Variants in ATP13A3 observed in about 807,000 individuals in gnomAD.
The protein encoded by ATP13A3 is polyamine-transporting ATPase 13A3.
A neutral mutation model predicts 158.1 loss-of-function variants in ATP13A3; 59 were observed. That is an observed-to-expected ratio of 0.37 (90% CI 0.30 to 0.46). The LOEUF (loss-of-function observed/expected upper bound fraction) is 0.46. Ranked by LOEUF, ATP13A3 falls within the 20% of genes least tolerant of loss-of-function variation. ATP13A3 has a pLI of 1.00. For synonymous variants in ATP13A3, 491 were observed against 504.3 expected, an observed-to-expected ratio of 0.97 and a Z score of 0.35; for missense variants, 1,166 against 1,525.2, an observed-to-expected ratio of 0.76 and a Z score of 3.92.
intron 2 of ATP13A3, among the ~76,000 whole-genome samples, chr3:194,470,146 T>G (rs1381525487): frequency 6.6e-6 from 1 of 152,168 alleles, no homozygotes; most frequent in Non-Finnish European, 1.5e-5. Context: ...AATACCCACT[T>G]TATCACTTCC....
chr3:194,494,227 G>A lies in ATP13A3; in HGVS notation n.569C>T. 2.5e-6 allele frequency: 1 copy of A among 398,650 alleles called. No individual in the cohort carries two copies. Among genetic ancestry groups the A allele is most frequent in the Non-Finnish European group, 4.4e-6 (1 of 226,108 alleles). The allele number at this position is 398,650 out of a possible 1,614,324, so 24.7% of individuals were successfully genotyped here. A position where few individuals can be genotyped will look rare whatever the true frequency, so the allele number is the denominator to read the frequency against. ...TCCTCATGAGCCAGGACCTTCCTCA[G>A]CCACATCTGGATCCTCAGCCCCTCA... On this transcript the variant is annotated non_coding_transcript_exon_variant, in exon 2 of 33. Coordinates refer to the ATP13A3 transcript ENST00000687055. This position sits in a 1 kb window ranked among gnomAD's most constrained non-coding sequence, Gnocchi z 4.2.
In ATP13A3 at chr3:194,448,494, G is replaced by A. The variant is rs185170011; in HGVS notation, c.1113C>T (p.Tyr371=). The change falls in exon 12 of 34, where the codon TAC becomes TAT. Residue 371 remains tyrosine (Y), a synonymous_variant. Transcript: ENST00000645319. This position sits in a 1 kb window ranked among gnomAD's most constrained non-coding sequence, Gnocchi z 4.0. The part of the protein sequence containing the change: ...CGTTVIQTRF[Y]TGELVKAIVV... ...CTATGGCTTTGACGAGTTCTCCAGT[G>A]TAGAAACGAGTCTGAATAACAGTTG... The A allele has an allele frequency of 8.9e-4, 1,438 of 1,614,116 alleles. 2 individuals carry two copies. The highest frequency in any genetic ancestry group is 1.7e-3 in the Admixed American group (101 of 60,028).
At chr3:194,488,037 C>T (rs1336591771), upstream of ATP13A3, 1 of 152,372 alleles carries the variant, frequency 6.6e-6, no homozygotes, top group African/African-American at 2.4e-5. This position sits in a 1 kb window ranked among gnomAD's most constrained non-coding sequence, Gnocchi z 4.1. Context: ...CTGATAACAC[C>T]TCCTGCGGGC....
At chr3:194,422,773 T>C (rs1716484166) in intron 30 of ATP13A3, among the ~76,000 whole-genome samples, 1 of 151,832 alleles carries the variant, frequency 6.6e-6, no homozygotes, top group South Asian at 2.1e-4. Context: ...CCCCAATATA[T>C]ATCTCTTTGT....
chr3:194,417,446 A>ACACACACACAC (rs1560072223), intron 31 of ATP13A3, among the ~76,000 whole-genome samples: 3 of 84,044 alleles, frequency 3.6e-5, no homozygotes, highest in East Asian at 8.7e-4. Flanking sequence ...CACACACACA[A>ACACACACACAC]AAGGAGGAAG....
chr3:194,454,823 CAA>C (rs397875989), intron 8 of ATP13A3, among the ~76,000 whole-genome samples: 10 of 62,130 alleles, frequency 1.6e-4, no homozygotes, highest in Non-Finnish European at 2.3e-4. Context: ...GACTCCGTCT[CAA>C]AAAAAAAAAA....
intron 15 of ATP13A3, among the ~76,000 whole-genome samples, chr3:194,442,164 G>A (rs906969256): frequency 6.6e-6 from 1 of 152,192 alleles, no homozygotes; most frequent in African/African-American, 2.4e-5. Flanking sequence ...TACCACTGGG[G>A]CTCTTAGCCA....
At chr3:194,481,409 G>C (rs907993078) in intron 2 of ATP13A3, among the ~76,000 whole-genome samples, 1 of 152,040 alleles carries the variant, frequency 6.6e-6, no homozygotes, top group Non-Finnish European at 1.5e-5. Context: ...AAAGTTTTGA[G>C]ATGTGCCATT....
chr3:194,481,275 C>G (rs182350319), intron 2 of ATP13A3, among the ~76,000 whole-genome samples: 150 of 148,974 alleles, frequency 1.0e-3, no homozygotes, highest in Admixed American at 1.7e-3. Flanking sequence ...CACCCTTAGA[C>G]ACATATGTGG....
At chr3:194,449,268 C>T (rs1377040897) in intron 11 of ATP13A3, among the ~76,000 whole-genome samples, 2 of 151,924 alleles carry the variant, frequency 1.3e-5, no homozygotes, top group African/African-American at 4.8e-5. Context: ...TTTTAAGATA[C>T]GAGATATGTG....
In ATP13A3 at chr3:194,476,712, G is replaced by T. The variant is rs548689494; in HGVS notation, c.-47+9082C>A. ...CATAAAACTTCAGTAGCTTCCCGTT[G>T]TCTGTAGTAGCAATTCCCAAACTGG... On this transcript the variant is annotated intron_variant, in intron 2 of 33. Coordinates refer to ENST00000645319, the MANE Select transcript of ATP13A3 (RefSeq NM_001367549.1). Among the ~76,000 whole-genome samples, 6 of 150,790 alleles carry T rather than the reference G, an allele frequency of 4.0e-5. No homozygotes were observed. The South Asian group carries it at 1.1e-3, about 26-fold the overall frequency.
chr3:194,454,864 CTTA>C (rs1390985960), intron 8 of ATP13A3, among the ~76,000 whole-genome samples: 2 of 151,722 alleles, frequency 1.3e-5, no homozygotes, highest in African/African-American at 4.8e-5. Flanking sequence ...CCATCATACT[CTTA>C]TTATCATTAA....
Position 194,448,382 on chromosome 3 carries a change from A to T in ATP13A3, c.1150+75T>A. 6.5e-7 allele frequency: 1 copy of T among 1,537,296 alleles called. No individual in the cohort carries two copies. The highest frequency in any genetic ancestry group is 1.2e-5 in the South Asian group (1 of 86,512). On this transcript the variant is annotated intron_variant, in intron 12 of 33. Coordinates refer to ENST00000645319, the MANE Select transcript of ATP13A3 (RefSeq NM_001367549.1). This position sits in a 1 kb window ranked among gnomAD's most constrained non-coding sequence, Gnocchi z 4.0. ...CGTTAGCCACAGCACCCAGCCCAGA[A>T]TCTCTTTTTAAACATTTAGTAGGTA...
chr3:194,434,041 T>C, intron 20 of ATP13A3, 145 bp from the exon 21 acceptor site: 1 of 882,466 alleles, frequency 1.1e-6, no homozygotes, highest in South Asian at 1.9e-5. Context: ...ACATTTTATA[T>C]GCTGAATAAA....
chr3:194,430,920 C>A (rs764658252), intron 24 of ATP13A3, 23 bp downstream of exon 24: 3 of 1,562,198 alleles, frequency 1.9e-6, no homozygotes, highest in Non-Finnish European at 2.6e-6. Flanking sequence ...AAAACCAAAA[C>A]CAAAAAAGAC....
intron 33 of ATP13A3, 116 bp from the exon 34 acceptor site, chr3:194,406,232 G>A: frequency 9.1e-7 from 1 of 1,097,002 alleles, no homozygotes. Context: ...AATGACTTCT[G>A]AGCACAACGA....
At chr3:194,475,777 A>C (rs373473718) in intron 2 of ATP13A3, among the ~76,000 whole-genome samples, 12 of 152,186 alleles carry the variant, frequency 7.9e-5, no homozygotes, top group East Asian at 1.9e-4. Flanking sequence ...GCACTATAAC[A>C]ACCACAATAG....
intron 8 of ATP13A3, 99 bp from the exon 9 acceptor site, chr3:194,454,491 C>T: frequency 7.8e-7 from 1 of 1,274,334 alleles, no homozygotes; most frequent in Non-Finnish European, 1.1e-6. Flanking sequence ...CAAATATGTA[C>T]AAGATAAGCT....
chr3:194,465,913 C>T (rs537465474), intron 2 of ATP13A3, among the ~76,000 whole-genome samples: 7 of 151,674 alleles, frequency 4.6e-5, no homozygotes, highest in Non-Finnish European at 8.8e-5. Flanking sequence ...ATCCCAGAGG[C>T]GGAAGCTACA....
Sources: allele counts gnomAD v4.1 joint callset (sites outside exome capture counted in the v4.1 genomes callset), GRCh38; gene constraint gnomAD v4.1.1; non-coding constraint Gnocchi (gnomAD v3.1); transcripts MANE v1.5; gene names NCBI Gene and HGNC (gene_info 2026-07-23, HGNC 2026-07-21).